ADD1: variants seen among roughly 807,000 people sequenced by gnomAD.
ADD1 encodes the protein alpha-adducin.
A neutral mutation model predicts 80.5 loss-of-function variants in ADD1; 24 were observed. That is an observed-to-expected ratio of 0.30 (90% confidence interval 0.22 to 0.42). The LOEUF is 0.42. Among genes scored for constraint, ADD1 ranks in the 10% least tolerant of loss-of-function variants. The probability of loss-of-function intolerance (pLI) is 1.00; values close to 1 mark genes in which losing one functional copy is unlikely to be tolerated. For missense variants in ADD1, 948 were observed against 1,019.0 expected, an observed-to-expected ratio of 0.93 and a Z score of 0.95; for synonymous variants, 373 against 393.8, an observed-to-expected ratio of 0.95 and a Z score of 0.63.
chr4:2,926,107 A>G lies in ADD1; in HGVS notation c.2042A>G (p.Glu681Gly). ...CCTCCCAGCACTCCCATCAAGCTGG[A>G]GGAAGGTGAGCTCTGGGTGGCAGCG... is the stretch of plus-strand genomic sequence containing the variant. ...HPPPSTPIKL[E>G]EDLVPEPTTG... The change falls in exon 15 of 16, where the codon GAG becomes GGG. Residue 681 changes from glutamate to glycine, a missense_variant. Coordinates refer to ENST00000683351, the MANE Select transcript of ADD1 (RefSeq NM_001354761.2). The surrounding 1 kb of genome is among the most constrained non-coding windows in gnomAD (Gnocchi z 5.0). 1 of 1,613,878 alleles carries G rather than the reference A, an allele frequency of 6.2e-7. No homozygotes were observed.
chr4:2,929,219 A>G lies in ADD1; in HGVS notation c.*696A>G, dbSNP rs1284623384. On this transcript the variant is annotated 3_prime_UTR_variant, in exon 16 of 16. Transcript: ENST00000683351. Reference sequence around the variant, plus strand: ...TCTGGATTCCTGTCATAGGGAAGGTATATCAGGAGGGGAAGAGGCCTTTCT... The same window carrying G: ...TCTGGATTCCTGTCATAGGGAAGGTGTATCAGGAGGGGAAGAGGCCTTTCT... 2 of 152,224 alleles carry G rather than the reference A, an allele frequency of 1.3e-5. No homozygotes were observed. Among genetic ancestry groups the G allele is most frequent in the African/African-American group, 2.4e-5 (1 of 41,452 alleles). 9.4% of individuals were successfully genotyped at this position (152,224 alleles called of 1,614,324 possible).
chr4:2,922,115 A>G (rs1740153099), intron 14 of ADD1, among the ~76,000 whole-genome samples: 1 of 152,054 alleles, frequency 6.6e-6, no homozygotes, highest in Admixed American at 6.5e-5. Context: ...GTTATTACCC[A>G]CCTTCTGAAG....
chr4:2,889,732 G>C (rs1383562652), intron 4 of ADD1, among the ~76,000 whole-genome samples: 1 of 152,074 alleles, frequency 6.6e-6, no homozygotes, highest in Non-Finnish European at 1.5e-5. Flanking sequence ...TGAGACAGGA[G>C]AATTGCTTGA....
At chr4:2,918,302 T>C (rs1739415599) in intron 14 of ADD1, among the ~76,000 whole-genome samples, 1 of 152,250 alleles carries the variant, frequency 6.6e-6, no homozygotes, top group Non-Finnish European at 1.5e-5. Flanking sequence ...AGTTCACTCA[T>C]GATTTGACTC....
chr4:2,923,489 G>A (rs1011095821), intron 14 of ADD1, among the ~76,000 whole-genome samples: 18 of 152,354 alleles, frequency 1.2e-4, no homozygotes, highest in Admixed American at 1.1e-3. Context: ...CCAGTCCCAG[G>A]GAGATGAGCC....
chr4:2,860,537 C>G (rs904332767), intron 1 of ADD1, among the ~76,000 whole-genome samples: 1 of 152,108 alleles, frequency 6.6e-6, no homozygotes, highest in Non-Finnish European at 1.5e-5. Context: ...CTTAGATTAG[C>G]GTTGTTAGTC....
At chr4:2,920,125 C>T (rs531759126) in intron 14 of ADD1, among the ~76,000 whole-genome samples, 19 of 152,314 alleles carry the variant, frequency 1.2e-4, no homozygotes, top group Non-Finnish European at 2.8e-4. Context: ...GTAGGCTATT[C>T]AGTTTCCATG....
At chr4:2,846,142 C>T (rs1012601774) in intron 1 of ADD1, among the ~76,000 whole-genome samples, 2 of 152,182 alleles carry the variant, frequency 1.3e-5, no homozygotes, top group Admixed American at 6.5e-5. Flanking sequence ...TTAAAATTGT[C>T]AGAATTCTCA....
At chr4:2,852,138 TTTTCTTTCTTTCTTTC>T (rs754218185) in intron 1 of ADD1, among the ~76,000 whole-genome samples, 131 of 97,650 alleles carry the variant, frequency 1.3e-3, no homozygotes, top group Non-Finnish European at 1.6e-3. Context: ...ACCCGGCCTC[TTTTCTTTCTTTCTTTC>T]TTTCTTTCTT....
intron 2 of ADD1, among the ~76,000 whole-genome samples, chr4:2,877,310 CA>C (rs1189410290): frequency 6.6e-6 from 1 of 151,464 alleles, no homozygotes; most frequent in Non-Finnish European, 1.5e-5. Flanking sequence ...TTAAAAAAAA[CA>C]AAAGATGTTG....
rs527761160 is a variant in ADD1, at chr4:2,903,396, G to A, written c.1162-1368G>A. Among the ~76,000 whole-genome samples the A allele has an allele frequency of 6.6e-5, 10 of 152,310 alleles. No individual in the cohort carries two copies. The South Asian group carries it at 1.9e-3, about 28-fold the overall frequency. On this transcript the variant is annotated intron_variant, in intron 9 of 15. Transcript: ENST00000683351. ...TCGAACAGCAGCCATTTATTTCCTA[G>A]CTTCTGTGGGGCAGGAGTCCAGGCA... is the stretch of plus-strand genomic sequence containing the variant.
In ADD1 at chr4:2,928,919, C is replaced by G. The variant is rs1472000026; in HGVS notation, c.*396C>G. On this transcript the variant is annotated 3_prime_UTR_variant, in exon 16 of 16. Coordinates refer to ENST00000683351, the MANE Select transcript of ADD1 (RefSeq NM_001354761.2). ...GTCTCTGCTTGGCTTCCCCTCCACC[C>G]TAAAGTCTCAGGTGACGGACTCAGA... is the stretch of plus-strand genomic sequence containing the variant. 2 of 205,980 alleles carry G rather than the reference C, an allele frequency of 9.7e-6. No individual in the cohort carries two copies. The highest frequency in any genetic ancestry group is 4.7e-5 in the African/African-American group (2 of 42,250). 12.8% of individuals were successfully genotyped at this position (205,980 alleles called of 1,614,324 possible). A position where few individuals can be genotyped will look rare whatever the true frequency, so the allele number is the denominator to read the frequency against.
chr4:2,914,605 T>C, intron 13 of ADD1: 1 of 337,356 alleles, frequency 3.0e-6, no homozygotes, highest in Non-Finnish European at 5.4e-6. Flanking sequence ...TGCTCTGTGC[T>C]CTTGGGTCTG....
chr4:2,911,006 T>A (rs1737926010), intron 13 of ADD1, among the ~76,000 whole-genome samples: 1 of 152,240 alleles, frequency 6.6e-6, no homozygotes, highest in Non-Finnish European at 1.5e-5. Context: ...GAATGTGCTT[T>A]GGCTCCATGG....
chr4:2,851,693 CAGGA>C (rs1261439555), intron 1 of ADD1, among the ~76,000 whole-genome samples: 1 of 152,134 alleles, frequency 6.6e-6, no homozygotes, highest in African/African-American at 2.4e-5. Context: ...GGGCTTCAGG[CAGGA>C]AGGAAGGTTA....
chr4:2,908,571 G>C lies in ADD1; in HGVS notation c.1665G>C (p.Leu555Phe). 6.2e-7 allele frequency: 1 copy of C among 1,614,272 alleles called. No individual in the cohort carries two copies. Among genetic ancestry groups the C allele is most frequent in the Non-Finnish European group, 8.5e-7 (1 of 1,180,040 alleles). Residue 555 changes from leucine to phenylalanine, a missense_variant, in exon 12 of 16, where the codon TTG becomes TTC. Transcript: ENST00000683351. Reference protein sequence around the residue: ...IKTAGPQSQVLCGVVMDRSLV... With the variant: ...IKTAGPQSQVFCGVVMDRSLV... ...CGGCTGGCCCTCAGTCCCAGGTTTT[G>C]TGTGGTGTAGTGATGGACAGGAGCC... is the stretch of plus-strand genomic sequence containing the variant.
chr4:2,896,785 A>G (rs1735315573), intron 6 of ADD1, among the ~76,000 whole-genome samples: 1 of 151,908 alleles, frequency 6.6e-6, no homozygotes, highest in Admixed American at 6.6e-5. Flanking sequence ...CTGAGACAGG[A>G]TCTCACCCTG....
intron 1 of ADD1, among the ~76,000 whole-genome samples, chr4:2,867,706 C>T (rs1455108820): frequency 6.6e-6 from 1 of 152,196 alleles, no homozygotes; most frequent in African/African-American, 2.4e-5. Flanking sequence ...AGCAAGAGGA[C>T]CCACTTGAGT....
intron 5 of ADD1, 132 bp from the exon 6 acceptor site, chr4:2,894,450 G>T (rs1234333535): frequency 5.2e-6 from 4 of 769,198 alleles, no homozygotes; most frequent in Non-Finnish European, 8.1e-6. Flanking sequence ...GAACCTGGGA[G>T]GTGGAGGCCG....
Sources: allele counts gnomAD v4.1 joint callset (sites outside exome capture counted in the v4.1 genomes callset), GRCh38; gene constraint gnomAD v4.1.1; non-coding constraint Gnocchi (gnomAD v3.1); transcripts MANE v1.5; gene names NCBI Gene and HGNC (gene_info 2026-07-23, HGNC 2026-07-21).